PRTG: variants seen among roughly 807,000 people sequenced by gnomAD.
The protein encoded by PRTG is immunoglobulin superfamily, DCC subclass, member 5.
A neutral mutation model predicts 122.5 loss-of-function variants in PRTG; 67 were observed. The ratio of observed to expected loss-of-function variants is 0.55; its 90% CI spans 0.45 to 0.67. The LOEUF is 0.67. Among genes scored for constraint, PRTG ranks in the 30% least tolerant of loss-of-function variants. The pLI is 0.00. For synonymous variants in PRTG, 554 were observed against 501.1 expected (o/e 1.11, Z -1.41); for missense variants, 1,435 against 1,415.4 (o/e 1.01, Z -0.22).
chr15:55,709,386 T>TAG lies in PRTG; in HGVS notation c.398-25456_398-25455insCT, dbSNP rs200006514. The stretch of plus-strand genomic sequence containing the variant: ...ATATATAAAATATACAATATATATA[T>TAG]ATAGAGAGAGAGAGCGCGTGAGAGA... On this transcript the variant is annotated intron_variant, in intron 2 of 19. Transcript: ENST00000389286. Among the ~76,000 whole-genome samples the TAG allele has an allele frequency of 4.7e-3, 690 of 146,952 alleles. 8 individuals carry two copies. Among genetic ancestry groups the TAG allele is most frequent in the African/African-American group, 0.015 (619 of 40,452 alleles).
rs747305359 is a variant in PRTG, at chr15:55,672,602, A to C, written c.1884T>G (p.Pro628=). The C allele has an allele frequency of 6.2e-7, 1 of 1,613,904 alleles. No individual in the cohort carries two copies. Residue 628 remains proline, a synonymous_variant, in exon 11 of 20, where the codon CCT becomes CCG. Coordinates refer to ENST00000389286, the MANE Select transcript of PRTG (RefSeq NM_173814.6). ...APKSPELHLE[P]LNCTTISVRW... ...TCACAGAAATGGTGGTACAGTTCAG[A>C]GGCTCCAAATGCAACTCTGGAGACT... is the stretch of plus-strand genomic sequence containing the variant.
chr15:55,653,061 T>C (rs544488329), intron 11 of PRTG, among the ~76,000 whole-genome samples: 1 of 152,344 alleles, frequency 6.6e-6, no homozygotes, highest in East Asian at 1.9e-4. Context: ...AGAAACATTT[T>C]TCACTTTGTT....
Position 55,647,495 on chromosome 15 carries a change from T to G in PRTG, c.2042-6287A>C, listed in dbSNP as rs142959652. 2.4e-3 allele frequency among the ~76,000 whole-genome samples: 360 copies of G among 152,364 alleles called. 5 individuals carry two copies. The highest frequency in any genetic ancestry group is 8.1e-3 in the African/African-American group (335 of 41,586). ...AGGTATTATTTACCCCTAACAGTTG[T>G]ATAGACTTGAGCAAGTTTCTTTCTT... On this transcript the variant is annotated intron_variant, in intron 11 of 19. Transcript: ENST00000389286.
At chr15:55,669,813 T>C (rs1437115897) in intron 11 of PRTG, among the ~76,000 whole-genome samples, 1 of 152,246 alleles carries the variant, frequency 6.6e-6, no homozygotes, top group Non-Finnish European at 1.5e-5. Flanking sequence ...AAGAGGTCTC[T>C]GTTATCCTGA....
At position 55,680,093 on chromosome 15, in the gene PRTG, G is replaced by C; in HGVS notation, c.934C>G (p.Arg312Gly). ...YVCRATTPGT[R>G]NFTVAMATLT... The stretch of plus-strand genomic sequence containing the variant: ...GTTGCCATAGCAACTGTAAAGTTGC[G>C]TGTGCCAGGGGTAGTGGCCCGACAA... The change falls in exon 6 of 20, where the codon CGC becomes GGC. Residue 312 changes from arginine to glycine, a missense_variant. Physicochemically the swap from Arg to Gly is moderately radical, Grantham distance 125 (BLOSUM62 -2). Coordinates refer to ENST00000389286, the MANE Select transcript of PRTG (RefSeq NM_173814.6). 6.2e-7 allele frequency: 1 copy of C among 1,613,680 alleles called. No homozygotes were observed. The highest frequency in any genetic ancestry group is 8.5e-7 in the Non-Finnish European group (1 of 1,179,692).
rs146563088 is a variant in PRTG, at chr15:55,706,096, G to A, written c.398-22165C>T. Among the ~76,000 whole-genome samples the A allele has an allele frequency of 5.0e-3, 716 of 144,484 alleles. 10 individuals are homozygous for A. The highest frequency in any genetic ancestry group is 0.017 in the African/African-American group (656 of 38,682). The allele number at this position is 144,484 out of a possible 152,430, so 94.8% of individuals were successfully genotyped here. On this transcript the variant is annotated intron_variant, in intron 2 of 19. Transcript: ENST00000389286. The stretch of plus-strand genomic sequence containing the variant: ...AGGCTGGTCTCAATCTCCTGACCTC[G>A]TCATCTGCCCACTTTGGCCTCCCAA...
intron 11 of PRTG, among the ~76,000 whole-genome samples, chr15:55,670,484 T>C (rs1307510383): frequency 6.6e-6 from 1 of 152,214 alleles, no homozygotes; most frequent in Non-Finnish European, 1.5e-5. Flanking sequence ...GACAGAATAC[T>C]GAGAAGCCAT....
chr15:55,629,870 T>G lies in PRTG; in HGVS notation c.2624-866A>C, dbSNP rs1172706248. Among the ~76,000 whole-genome samples, 3 of 149,922 alleles carry G rather than the reference T, an allele frequency of 2.0e-5. No individual in the cohort carries two copies. The East Asian group carries it at 5.9e-4, about 29-fold the overall frequency. The stretch of plus-strand genomic sequence containing the variant: ...GTCTTGCTCTGTCGCCAGGCTGGAG[T>G]GCAGTGGCATGATCATGGCTCACTA... On this transcript the variant is annotated intron_variant, in intron 15 of 19. Coordinates refer to ENST00000389286, the MANE Select transcript of PRTG (RefSeq NM_173814.6).
intron 2 of PRTG, among the ~76,000 whole-genome samples, chr15:55,716,779 T>G (rs2030615317): frequency 6.6e-6 from 1 of 152,148 alleles, no homozygotes; most frequent in Non-Finnish European, 1.5e-5. Context: ...AACAGCAGCG[T>G]GGAAAAAGCA....
At chr15:55,678,091 A>G (rs555943665) in intron 7 of PRTG, 47 bp from the exon 8 acceptor site, 1 of 1,255,640 alleles carries the variant, frequency 8.0e-7, no homozygotes, top group African/African-American at 1.5e-5. Flanking sequence ...CTAAGAATGA[A>G]TTCAAAATAA....
intron 2 of PRTG, among the ~76,000 whole-genome samples, chr15:55,729,361 G>A (rs980595992): frequency 5.3e-5 from 8 of 152,102 alleles, no homozygotes; most frequent in Non-Finnish European, 8.8e-5. Flanking sequence ...CTAGAGGAAG[G>A]GGGAAATGGG....
At chr15:55,647,287 A>G (rs140664995) in intron 11 of PRTG, among the ~76,000 whole-genome samples, 421 of 152,276 alleles carry the variant, frequency 2.8e-3, no homozygotes, top group Middle Eastern at 0.021. Context: ...CTCAAAATAA[A>G]AAAGGAAGAG....
In PRTG at chr15:55,616,576, G is replaced by A. The variant is rs1255131476; in HGVS notation, c.*3436C>T. The A allele has an allele frequency of 6.6e-6, 1 of 152,112 alleles. No homozygotes were observed. The highest frequency in any genetic ancestry group is 6.6e-5 in the Admixed American group (1 of 15,254). The allele number at this position is 152,112 out of a possible 1,614,324, so 9.4% of individuals were successfully genotyped here. On this transcript the variant is annotated 3_prime_UTR_variant, in exon 20 of 20. Transcript: ENST00000389286. ...CATGTGGCTGAATCACAGATTAAAT[G>A]GAAAGTCCTCATGCATGTTATTTGT...
rs1463034688 is a variant in PRTG, at chr15:55,679,445, G to A, written c.974C>T (p.Ala325Val). Residue 325 changes from alanine to valine, a missense_variant and splice_region_variant, in exon 7 of 20, where the codon GCT becomes GTT. By Grantham distance (64) the Ala-to-Val change is moderately conservative. Coordinates refer to ENST00000389286, the MANE Select transcript of PRTG (RefSeq NM_173814.6). ...TVAMATLTVL[A>V]PPSFVEWPES... Reference sequence around the variant, plus strand: ...TGGCCATTCAACAAATGAAGGAGGAGCTATTTTTAAAGAAAAAAATGAAAT... The same window carrying A: ...TGGCCATTCAACAAATGAAGGAGGAACTATTTTTAAAGAAAAAAATGAAAT... 3.1e-6 allele frequency: 5 copies of A among 1,602,954 alleles called. No homozygotes were observed. The highest frequency in any genetic ancestry group is 1.3e-5 in the African/African-American group (1 of 74,450).
At chr15:55,693,214 T>C (rs1232967743) in intron 2 of PRTG, among the ~76,000 whole-genome samples, 1 of 152,014 alleles carries the variant, frequency 6.6e-6, no homozygotes, top group Non-Finnish European at 1.5e-5. Flanking sequence ...CCCAACACTT[T>C]GGGAGGCTGA....
At chr15:55,689,288 G>A (rs1205222838) in intron 2 of PRTG, among the ~76,000 whole-genome samples, 1 of 152,138 alleles carries the variant, frequency 6.6e-6, no homozygotes, top group Non-Finnish European at 1.5e-5. Context: ...CTGTCAAAAA[G>A]CATCATGTCT....
At chr15:55,670,159 C>T (rs2196774) in intron 11 of PRTG, among the ~76,000 whole-genome samples, 143,523 of 152,168 alleles carry the variant, frequency 0.94, 68,260 homozygotes, top group Non-Finnish European at 1. Context: ...TATATATATG[C>T]ATATATGTAT....
At chr15:55,741,302 A>G (rs1296898487) in intron 1 of PRTG, among the ~76,000 whole-genome samples, 1 of 152,250 alleles carries the variant, frequency 6.6e-6, no homozygotes, top group African/African-American at 2.4e-5. Context: ...AAGACAAACA[A>G]TAGACTTTGA....
chr15:55,679,529 A>G, intron 6 of PRTG, 84 bp from the exon 7 acceptor site: 1 of 1,012,776 alleles, frequency 9.9e-7, no homozygotes, highest in Admixed American at 2.4e-5. Context: ...AGCAAATGAA[A>G]CAAGCCCCAT....
Sources: gnomAD v4.1 joint callset for allele counts (sites outside exome capture counted in the v4.1 genomes callset) on GRCh38, gnomAD v4.1.1 for gene constraint, MANE v1.5 for transcripts, NCBI Gene and HGNC (gene_info 2026-07-23, HGNC 2026-07-21) for gene names.